DEPDC5: variants seen among roughly 807,000 people sequenced by gnomAD.
DEPDC5 encodes DEP domain containing 5, GATOR1 subcomplex subunit.
In DEPDC5, 73 loss-of-function variants were observed where a neutral mutation model predicts 217.3. The ratio of observed to expected loss-of-function variants is 0.34; its 90% CI spans 0.28 to 0.41. The LOEUF is 0.41. Ranked by LOEUF, DEPDC5 falls within the 10% of genes least tolerant of loss-of-function variation. The pLI, the probability that DEPDC5 is intolerant of heterozygous loss-of-function variation, is 1.00. For missense variants in DEPDC5, 1,675 were observed against 2,070.1 expected (o/e 0.81, Z 3.70); for synonymous variants, 733 against 756.7 (o/e 0.97, Z 0.51).
Position 31,843,650 on chromosome 22 carries a change from C to G in DEPDC5, c.2639C>G (p.Pro880Arg). The G allele has an allele frequency of 6.3e-7, 1 of 1,595,612 alleles. No individual in the cohort carries two copies. The highest frequency in any genetic ancestry group is 8.6e-7 in the Non-Finnish European group (1 of 1,165,916). The change falls in exon 29 of 43, where the codon CCT (proline) becomes CGT (arginine). Residue 880 changes from proline to arginine, a missense_variant. Physicochemically the swap from Pro to Arg is moderately radical, Grantham distance 103 (BLOSUM62 -2). Transcript: ENST00000651528. ...ITVTRYLPKY[P>R]YESAQIHYTY... ...ACCTGCCCTTTATTTTGCAGGTATC[C>G]TTATGAATCTGCCCAGATCCACTAC... is the stretch of plus-strand genomic sequence containing the variant.
chr22:31,783,870 G>A, intron 8 of DEPDC5, 37 bp from the exon 9 acceptor site: 1 of 1,574,984 alleles, frequency 6.3e-7, no homozygotes, highest in African/African-American at 1.4e-5. Context: ...AACTGTATAT[G>A]GCATTGCTTT....
chr22:31,894,045 C>T (rs1413120756), intron 39 of DEPDC5: 1 of 209,708 alleles, frequency 4.8e-6, no homozygotes, highest in African/African-American at 2.3e-5. Flanking sequence ...TAGCCTCTAC[C>T]CACTAAATGC....
chr22:31,901,815 G>A lies in DEPDC5; in HGVS notation c.4436+13G>A. The A allele has an allele frequency of 6.2e-7, 1 of 1,612,118 alleles. No homozygotes were observed. Among genetic ancestry groups the A allele is most frequent in the Non-Finnish European group, 8.5e-7 (1 of 1,178,860 alleles). ...CCATTGCACACAGGTTTGTCCCTTAGCAAGTGTGAAGAGTGGGAAGGAAAT... is the reference window on the plus strand; with the variant it reads ...CCATTGCACACAGGTTTGTCCCTTAACAAGTGTGAAGAGTGGGAAGGAAAT... On this transcript the variant is annotated intron_variant, in intron 41 of 42. Coordinates refer to ENST00000651528, the MANE Select transcript of DEPDC5 (RefSeq NM_001242896.3).
intron 14 of DEPDC5, among the ~76,000 whole-genome samples, chr22:31,799,794 C>T (rs900029752): frequency 1.4e-5 from 2 of 145,694 alleles, no homozygotes; most frequent in African/African-American, 2.6e-5. Flanking sequence ...GCCACCATGC[C>T]CGGCCTTTTT....
intron 10 of DEPDC5, among the ~76,000 whole-genome samples, chr22:31,789,938 C>G (rs2085433691): frequency 1.3e-5 from 2 of 152,206 alleles, no homozygotes; most frequent in Non-Finnish European, 2.9e-5. Flanking sequence ...GGATTAGTCT[C>G]TGAGGCTCCA....
intron 38 of DEPDC5, among the ~76,000 whole-genome samples, chr22:31,890,851 G>GA (rs2093425104): frequency 6.6e-6 from 1 of 151,734 alleles, no homozygotes; most frequent in Non-Finnish European, 1.5e-5. Flanking sequence ...TCAGCCTCCC[G>GA]AGTAGCTGGG....
Position 31,819,052 on chromosome 22 carries a change from A to G in DEPDC5, c.1697A>G (p.Gln566Arg). The change falls in exon 22 of 43, where the codon CAG (glutamine) becomes CGG (arginine). Residue 566 changes from glutamine (Q) to arginine (R), a missense_variant. By Grantham distance (43) the Gln-to-Arg change is conservative (BLOSUM62 1). Coordinates refer to ENST00000651528, the MANE Select transcript of DEPDC5 (RefSeq NM_001242896.3). ...DVLENMMEPP[Q>R]RDSSAPGRFH... is the part of the protein sequence containing the mutation. The stretch of plus-strand genomic sequence containing the variant: ...CTGGAGAACATGATGGAGCCACCAC[A>G]GCGAGACTCCAGTGCACCAGGGAGG... 6.8e-6 allele frequency: 11 copies of G among 1,614,176 alleles called. No individual in the cohort carries two copies. The highest frequency in any genetic ancestry group is 9.3e-6 in the Non-Finnish European group (11 of 1,180,030).
At chr22:31,758,449 C>A in intron 2 of DEPDC5, 97 bp from the exon 3 acceptor site, 1 of 1,053,162 alleles carries the variant, frequency 9.5e-7, no homozygotes, top group Non-Finnish European at 1.5e-6. Flanking sequence ...AATGGGGTGG[C>A]AATACCATCC....
At chr22:31,803,831 A>C (rs1275437649) in intron 15 of DEPDC5, among the ~76,000 whole-genome samples, 1 of 152,132 alleles carries the variant, frequency 6.6e-6, no homozygotes, top group Non-Finnish European at 1.5e-5. Context: ...TTTTACTGAG[A>C]TATTACAAAG....
intron 24 of DEPDC5, among the ~76,000 whole-genome samples, chr22:31,825,430 C>T (rs1163178157): frequency 1.3e-5 from 2 of 152,186 alleles, no homozygotes; most frequent in Non-Finnish European, 2.9e-5. Flanking sequence ...TTGCTGCAAC[C>T]TGAAGCTCTG....
At chr22:31,859,389 C>CT (rs567370285) in intron 32 of DEPDC5, among the ~76,000 whole-genome samples, 3,723 of 123,734 alleles carry the variant, frequency 0.03, 71 homozygotes, top group African/African-American at 0.054. Context: ...CTGCGCCCGG[C>CT]TTTTTTTTTT....
intron 27 of DEPDC5, among the ~76,000 whole-genome samples, chr22:31,842,163 A>G: frequency 6.6e-6 from 1 of 152,240 alleles, no homozygotes; most frequent in East Asian, 1.9e-4. Context: ...GGAACTATAT[A>G]CAAGGTAGGA....
At chr22:31,769,731 G>A (rs2083164450) in intron 7 of DEPDC5, 1 of 151,908 alleles carries the variant, frequency 6.6e-6, no homozygotes, top group Non-Finnish European at 1.5e-5. Context: ...GACCAGCCTG[G>A]GCAACATAGT....
At chr22:31,875,706 T>C (rs1373959060) in intron 36 of DEPDC5, 1 of 144,066 alleles carries the variant, frequency 6.9e-6, no homozygotes, top group East Asian at 2.2e-4. Context: ...TAATCTCAGC[T>C]CATTGCAACC....
chr22:31,783,218 C>T (rs1177612886), intron 8 of DEPDC5, among the ~76,000 whole-genome samples: 1 of 152,190 alleles, frequency 6.6e-6, no homozygotes, highest in African/African-American at 2.4e-5. Context: ...AAGCTGGCCA[C>T]CCCAGCCAGC....
intron 7 of DEPDC5, among the ~76,000 whole-genome samples, chr22:31,774,175 A>C (rs972094222): frequency 2.6e-5 from 4 of 151,948 alleles, no homozygotes; most frequent in African/African-American, 7.3e-5. Context: ...TAATGACCTT[A>C]AACCCTAGCC....
In DEPDC5 at chr22:31,810,535, A is replaced by G. The variant is rs756972161; in HGVS notation, c.1339A>G (p.Lys447Glu). 3.7e-6 allele frequency: 6 copies of G among 1,614,164 alleles called. No individual in the cohort carries two copies. The highest frequency in any genetic ancestry group is 5.1e-6 in the Non-Finnish European group (6 of 1,180,034). ...GTGTATTTCAGCTCTCGGGAGTCCAAAAGAATCTGAGAACGCCCTTCCCAT... is the reference window on the plus strand; with the variant it reads ...GTGTATTTCAGCTCTCGGGAGTCCAGAAGAATCTGAGAACGCCCTTCCCAT... ...NGRDTSLGSPKESENALPIQV... is the reference protein window; with the variant it reads ...NGRDTSLGSPEESENALPIQV... The change falls in exon 20 of 43, where the codon AAA becomes GAA. Residue 447 changes from lysine to glutamate, a missense_variant. Lys to Glu is a moderately conservative substitution (Grantham distance 56). Coordinates refer to ENST00000651528, the MANE Select transcript of DEPDC5 (RefSeq NM_001242896.3).
intron 7 of DEPDC5, among the ~76,000 whole-genome samples, chr22:31,776,381 T>A (rs5998121): frequency 6.6e-6 from 1 of 151,484 alleles, no homozygotes; most frequent in Non-Finnish European, 1.5e-5. Flanking sequence ...CAAAGTGTTG[T>A]GATTATAGGT....
intron 10 of DEPDC5, among the ~76,000 whole-genome samples, chr22:31,788,472 C>T (rs1187194764): frequency 6.7e-6 from 1 of 149,362 alleles, no homozygotes; most frequent in African/African-American, 2.5e-5. Context: ...GAAACTAGGT[C>T]TCACTATGTT....
Sources: allele counts gnomAD v4.1 joint callset (sites outside exome capture counted in the v4.1 genomes callset), GRCh38; gene constraint gnomAD v4.1.1; transcripts MANE v1.5; gene names NCBI Gene and HGNC (gene_info 2026-07-23, HGNC 2026-07-21).